The following ATL2 variants were observed in gnomAD, a reference collection of about 807,000 sequenced individuals.
The protein encoded by ATL2 is atlastin GTPase 2.
A neutral mutation model predicts 73.9 loss-of-function variants in ATL2; 31 were observed. The ratio of observed to expected loss-of-function variants is 0.42; its 90% CI spans 0.32 to 0.57. ATL2 has a LOEUF of 0.57. ATL2 is among the 20% of genes least tolerant of loss of function. The probability of loss-of-function intolerance (pLI) is 0.14; values close to 1 mark genes in which losing one functional copy is unlikely to be tolerated. For missense variants in ATL2, 738 were observed against 702.6 expected, an observed-to-expected ratio of 1.05 and a Z score of -0.57; for synonymous variants, 291 against 237.5, an observed-to-expected ratio of 1.23 and a Z score of -2.07.
chr2:38,371,790 C>G (rs1333925702), intron 1 of ATL2, among the ~76,000 whole-genome samples: 1 of 151,946 alleles, frequency 6.6e-6, no homozygotes, highest in Non-Finnish European at 1.5e-5. Flanking sequence ...CCCAGATACT[C>G]AGGGGCTGAG....
Position 38,309,415 on chromosome 2 carries a change from A to G in ATL2, c.1035T>C (p.Ser345=), listed in dbSNP as rs1421819965. 8 of 1,611,930 alleles carry G rather than the reference A, an allele frequency of 5.0e-6. No individual in the cohort carries two copies. The highest frequency in any genetic ancestry group is 6.8e-6 in the Non-Finnish European group (8 of 1,179,648). Residue 345 remains serine (S), a synonymous_variant, in exon 9 of 13, where the codon TCT becomes TCC. Transcript: ENST00000378954. ...ENLVEKEISG[S]KVTCRDLVEY... is the part of the protein sequence containing the mutation. ...CTACAAGATCTCTACAAGTGACTTTAGATCCACTTATCTCTTTTTCTACCA... is the reference window on the plus strand; with the variant it reads ...CTACAAGATCTCTACAAGTGACTTTGGATCCACTTATCTCTTTTTCTACCA...
At position 38,333,697 on chromosome 2, in the gene ATL2, A is replaced by C. The variant is rs138342148; in HGVS notation, c.363+9571T>G. 1.4e-3 allele frequency among the ~76,000 whole-genome samples: 216 copies of C among 152,336 alleles called. 5 individuals are homozygous for C. In the East Asian group the frequency reaches 0.034, roughly 24 times the overall value. On this transcript the variant is annotated intron_variant, in intron 2 of 12. Transcript: ENST00000378954. Reference sequence around the variant, plus strand: ...ATATTTATGATACTGCAAAAGAGGCAATACATACATTTGGGACTTAAAGCT... The same window carrying C: ...ATATTTATGATACTGCAAAAGAGGCCATACATACATTTGGGACTTAAAGCT...
Position 38,325,683 on chromosome 2 carries a change from CA to C in ATL2, c.364-6665del, listed in dbSNP as rs1668585144. Among the ~76,000 whole-genome samples, 9 of 76,840 alleles carry C rather than the reference CA, an allele frequency of 1.2e-4. 1 individual carries two copies. The highest frequency in any genetic ancestry group is 1.3e-4 in the Non-Finnish European group (6 of 46,792). The allele number at this position is 76,840 out of a possible 152,430, so 50.4% of individuals were successfully genotyped here. A position where few individuals can be genotyped will look rare whatever the true frequency, so the allele number is the denominator to read the frequency against. Reference sequence around the variant, plus strand: ...CAGTACACACACACACACACACACACACACACACACACCAGTACACACACAC... The same window carrying C: ...CAGTACACACACACACACACACACACCACACACACACCAGTACACACACAC... On this transcript the variant is annotated intron_variant, in intron 2 of 12. Coordinates refer to ENST00000378954, the MANE Select transcript of ATL2 (RefSeq NM_001135673.4).
chr2:38,322,189 T>C (rs1409043049), intron 2 of ATL2, among the ~76,000 whole-genome samples: 1 of 142,134 alleles, frequency 7.0e-6, no homozygotes. Context: ...CCCCACAATG[T>C]CAAAAAAAAA....
chr2:38,296,118 G>A lies in ATL2; in HGVS notation c.1633-5C>T. On this transcript the variant is annotated splice_region_variant and splice_polypyrimidine_tract_variant and intron_variant, in intron 12 of 12. Transcript: ENST00000378954. ...ATCACCCAGGGGCTTCAATACCTGT[G>A]GTATGAGAAATGTGCAAAACAAACA... 6.5e-7 allele frequency: 1 copy of A among 1,546,544 alleles called. No homozygotes were observed. The highest frequency in any genetic ancestry group is 8.7e-7 in the Non-Finnish European group (1 of 1,144,492).
rs188042702 is a variant in ATL2, at chr2:38,365,086, C to A, written c.118+12057G>T. Among the ~76,000 whole-genome samples the A allele has an allele frequency of 2.7e-5, 4 of 148,100 alleles. No individual in the cohort carries two copies. The East Asian group carries it at 8.1e-4, about 30-fold the overall frequency. On this transcript the variant is annotated intron_variant, in intron 1 of 12. Transcript: ENST00000378954. The stretch of plus-strand genomic sequence containing the variant: ...ACTTTAAGAGTTGTAAAGTATCAAG[C>A]CATAAAAGAACTCTGAAATTTGGGA...
chr2:38,300,381 A>AT (rs1281041412), intron 9 of ATL2, 53 bp from the exon 10 acceptor site: 20 of 1,254,986 alleles, frequency 1.6e-5, no homozygotes, highest in Non-Finnish European at 2.0e-5. Flanking sequence ...TTGGCTCCAC[A>AT]TCCCCAAAGA....
intron 1 of ATL2, among the ~76,000 whole-genome samples, chr2:38,354,688 G>C (rs975882601): frequency 6.6e-6 from 1 of 152,010 alleles, no homozygotes; most frequent in Non-Finnish European, 1.5e-5. Flanking sequence ...TTGAGAGTTC[G>C]AGACCAGCCT....
At chr2:38,366,133 T>A (rs1383299542) in intron 1 of ATL2, among the ~76,000 whole-genome samples, 1 of 151,120 alleles carries the variant, frequency 6.6e-6, no homozygotes, top group Non-Finnish European at 1.5e-5. Flanking sequence ...AGTCAGAGCT[T>A]CGCACTATAC....
At position 38,336,792 on chromosome 2, in the gene ATL2, T is replaced by C. The variant is rs75325356; in HGVS notation, c.363+6476A>G. Among the ~76,000 whole-genome samples, 858 of 152,312 alleles carry C rather than the reference T, an allele frequency of 5.6e-3. 3 individuals are homozygous for C. Among genetic ancestry groups the C allele is most frequent in the Non-Finnish European group, 9.4e-3 (639 of 68,024 alleles). On this transcript the variant is annotated intron_variant, in intron 2 of 12. Transcript: ENST00000378954. Reference sequence around the variant, plus strand: ...GGTTATTTCTGAATACTAAGTAAGATAATGCCTGCTAAATGCTTAGTAATC... The same window carrying C: ...GGTTATTTCTGAATACTAAGTAAGACAATGCCTGCTAAATGCTTAGTAATC...
chr2:38,376,094 CTCTTA>C (rs753480409), intron 1 of ATL2: 1 of 1,469,444 alleles, frequency 6.8e-7, no homozygotes, highest in South Asian at 1.3e-5. Flanking sequence ...TAATAATAAA[CTCTTA>C]TCTTGGCCGT....
At chr2:38,340,364 A>T (rs1669644167) in intron 2 of ATL2, among the ~76,000 whole-genome samples, 1 of 151,902 alleles carries the variant, frequency 6.6e-6, no homozygotes. Context: ...GAAAAGATAC[A>T]TTTATCTAAA....
chr2:38,319,522 C>G lies in ATL2; in HGVS notation c.364-503G>C, dbSNP rs535048740. On this transcript the variant is annotated intron_variant, in intron 2 of 12. Coordinates refer to ENST00000378954, the MANE Select transcript of ATL2 (RefSeq NM_001135673.4). ...GCTGAGGTAGGAGGATCACCTGAACCTGGGAGGTTGAGGCTACAGTGAGCT... is the reference window on the plus strand; with the variant it reads ...GCTGAGGTAGGAGGATCACCTGAACGTGGGAGGTTGAGGCTACAGTGAGCT... Among the ~76,000 whole-genome samples, 46 of 151,692 alleles carry G rather than the reference C, an allele frequency of 3.0e-4. No individual in the cohort carries two copies. In the South Asian group the frequency reaches 8.3e-3, roughly 27 times the overall value.
At chr2:38,333,369 G>A (rs907785147) in intron 2 of ATL2, among the ~76,000 whole-genome samples, 2 of 152,012 alleles carry the variant, frequency 1.3e-5, no homozygotes, top group African/African-American at 4.8e-5. Flanking sequence ...AAGGAGGTAG[G>A]GAGTTAATTA....
Position 38,316,409 on chromosome 2 carries a change from G to C in ATL2, c.604-1075C>G, listed in dbSNP as rs1275898214. 2.0e-5 allele frequency among the ~76,000 whole-genome samples: 3 copies of C among 152,170 alleles called. No individual in the cohort carries two copies. The East Asian group carries it at 5.8e-4, about 29-fold the overall frequency. On this transcript the variant is annotated intron_variant, in intron 4 of 12. Coordinates refer to ENST00000378954, the MANE Select transcript of ATL2 (RefSeq NM_001135673.4). ...GGCCAGGTTGCAAACAGCAAACAGA[G>C]AAAGAGATTTATTTAACTTAGATCA...
chr2:38,358,505 A>ATC (rs1404907885), intron 1 of ATL2: 1 of 256,538 alleles, frequency 3.9e-6, no homozygotes, highest in Non-Finnish European at 8.4e-6. Flanking sequence ...GATCGAGACC[A>ATC]CAGGGAAACC....
chr2:38,354,220 T>C (rs766671484), intron 1 of ATL2: 1 of 413,300 alleles, frequency 2.4e-6, no homozygotes, highest in South Asian at 1.7e-5. Flanking sequence ...TTAGCAGATG[T>C]GCATTACATG....
At chr2:38,376,196 G>C (rs1189628390) in intron 1 of ATL2, 25 of 1,516,598 alleles carry the variant, frequency 1.6e-5, no homozygotes, top group East Asian at 1.2e-4. Context: ...TTTCAATCAG[G>C]ATTTCATGCG....
At chr2:38,322,703 A>G (rs1250245564) in intron 2 of ATL2, among the ~76,000 whole-genome samples, 1 of 152,170 alleles carries the variant, frequency 6.6e-6, no homozygotes, top group Non-Finnish European at 1.5e-5. Flanking sequence ...AAAAAATACT[A>G]AACTGATTAG....
Sources: allele counts gnomAD v4.1 joint callset (sites outside exome capture counted in the v4.1 genomes callset), GRCh38; gene constraint gnomAD v4.1.1; transcripts MANE v1.5; gene names NCBI Gene and HGNC (gene_info 2026-07-23, HGNC 2026-07-21).